Variants in EDC3 observed in about 807,000 individuals in gnomAD.
EDC3 encodes enhancer of mRNA-decapping protein 3.
EDC3 carries 20 observed loss-of-function variants against 41.8 expected under a neutral mutation model. The ratio of observed to expected loss-of-function variants is 0.48; its 90% CI spans 0.34 to 0.70. The LOEUF (loss-of-function observed/expected upper bound fraction) is 0.70, where lower values mean the gene tolerates loss of function less well. Ranked by LOEUF, EDC3 falls within the 30% of genes least tolerant of loss-of-function variation. EDC3 has a pLI of 0.01. For synonymous variants in EDC3, 206 were observed against 243.2 expected (o/e 0.85, Z 1.42); for missense variants, 444 against 636.8 (o/e 0.70, Z 3.26).
chr15:74,677,569 C>T lies in EDC3; in HGVS notation c.-18-2427G>A, dbSNP rs565308449. ...TTTTTTTCTCAGTAGAGGGGTTTCACCATGTTGCCCAGGCTGGTCTCGAAC... is the reference window on the plus strand; with the variant it reads ...TTTTTTTCTCAGTAGAGGGGTTTCATCATGTTGCCCAGGCTGGTCTCGAAC... On this transcript the variant is annotated intron_variant, in intron 1 of 6. Transcript: ENST00000315127. Among the ~76,000 whole-genome samples the T allele has an allele frequency of 2.5e-4, 38 of 152,138 alleles. 1 individual carries two copies. Among genetic ancestry groups the T allele is most frequent in the African/African-American group, 8.9e-4 (37 of 41,506 alleles).
At chr15:74,677,359 CTTTTT>C (rs747397931) in intron 1 of EDC3, among the ~76,000 whole-genome samples, 1 of 111,322 alleles carries the variant, frequency 9.0e-6, no homozygotes, top group Non-Finnish European at 1.9e-5. Flanking sequence ...CATGCCCAGC[CTTTTT>C]TTTTTTTTTT....
At chr15:74,641,547 T>A (rs1339274865) in intron 4 of EDC3, 1 of 152,928 alleles carries the variant, frequency 6.5e-6, no homozygotes, top group African/African-American at 2.4e-5. Context: ...TATTGCTCCC[T>A]CCAAGAAGCC....
At chr15:74,685,977 G>A (rs1466355987) in intron 1 of EDC3, among the ~76,000 whole-genome samples, 2 of 152,024 alleles carry the variant, frequency 1.3e-5, no homozygotes, top group African/African-American at 4.8e-5. Flanking sequence ...TGGATCACAT[G>A]AGGTCAGGAG....
chr15:74,663,982 TGAA>T (rs931227232), intron 3 of EDC3, among the ~76,000 whole-genome samples: 1 of 152,198 alleles, frequency 6.6e-6, no homozygotes, highest in Non-Finnish European at 1.5e-5. Context: ...AGATGTTGTA[TGAA>T]GAAGGTTTCA....
chr15:74,659,413 T>C (rs1359809591), intron 3 of EDC3, among the ~76,000 whole-genome samples: 2 of 151,286 alleles, frequency 1.3e-5, no homozygotes, highest in Non-Finnish European at 2.9e-5. Context: ...TGAGCCAAGA[T>C]TGTGCCATTC....
intron 1 of EDC3, among the ~76,000 whole-genome samples, chr15:74,691,818 G>T (rs1412054402): frequency 1.3e-5 from 2 of 151,796 alleles, no homozygotes; most frequent in South Asian, 2.1e-4. Flanking sequence ...CTATTTTCTG[G>T]GTTTTTTTGG....
intron 1 of EDC3, chr15:74,695,650 C>T (rs1385193790): frequency 6.6e-6 from 1 of 152,490 alleles, no homozygotes; most frequent in Non-Finnish European, 1.5e-5. Flanking sequence ...ACTCCCCACA[C>T]AATCCCCATA....
At chr15:74,680,319 A>G (rs1321063834) in intron 1 of EDC3, among the ~76,000 whole-genome samples, 2 of 151,866 alleles carry the variant, frequency 1.3e-5, no homozygotes, top group Middle Eastern at 3.2e-3. Context: ...AGTTTATTCC[A>G]AGGATGCAAT....
intron 3 of EDC3, among the ~76,000 whole-genome samples, chr15:74,660,414 A>AATAT (rs10582490): frequency 1.4e-5 from 2 of 144,910 alleles, no homozygotes; most frequent in East Asian, 2.0e-4. Context: ...CGTCTCCAAA[A>AATAT]ATATATATAT....
chr15:74,681,511 C>CTGT (rs1321844639), intron 1 of EDC3, among the ~76,000 whole-genome samples: 3 of 152,064 alleles, frequency 2.0e-5, no homozygotes, highest in Non-Finnish European at 2.9e-5. Context: ...AAGACTTACA[C>CTGT]AATTATGATA....
chr15:74,673,379 T>C (rs1483365242), intron 2 of EDC3, among the ~76,000 whole-genome samples: 1 of 152,114 alleles, frequency 6.6e-6, no homozygotes, highest in Admixed American at 6.5e-5. Context: ...AGGGGAAAGG[T>C]GTTATTAGTC....
At chr15:74,638,030 A>G (rs1377356832) in intron 5 of EDC3, 1 of 152,174 alleles carries the variant, frequency 6.6e-6, no homozygotes, top group Non-Finnish European at 1.5e-5. Context: ...TCCAACAGGC[A>G]CTTGTCAACT....
At chr15:74,682,686 T>C (rs1386517336) in intron 1 of EDC3, among the ~76,000 whole-genome samples, 2 of 150,780 alleles carry the variant, frequency 1.3e-5, no homozygotes, top group African/African-American at 4.9e-5. Context: ...GTTGCACTTC[T>C]GGTCATTTAT....
intron 3 of EDC3, among the ~76,000 whole-genome samples, chr15:74,663,282 C>A (rs558061339): frequency 1.3e-5 from 2 of 151,192 alleles, no homozygotes; most frequent in Non-Finnish European, 2.9e-5. Context: ...AGCAAGACTC[C>A]GTCTCAAAAA....
intron 5 of EDC3, chr15:74,638,023 A>G (rs1251892792): frequency 6.6e-6 from 1 of 152,268 alleles, no homozygotes; most frequent in East Asian, 1.9e-4. Context: ...CGAAAAATCC[A>G]ACAGGCACTT....
chr15:74,640,285 G>T lies in EDC3; in HGVS notation c.974+181C>A, dbSNP rs1376797803. The T allele has an allele frequency of 1.1e-5, 7 of 643,580 alleles. No individual in the cohort carries two copies. In the African/African-American group the frequency reaches 1.1e-4, roughly 10 times the overall value. 39.9% of individuals were successfully genotyped at this position (643,580 alleles called of 1,614,324 possible). ...GAATAATGAGGACATCTAGGAGATG[G>T]GTCTGAGGAGGGGCAAAGAAACCTC... is the stretch of plus-strand genomic sequence containing the variant. On this transcript the variant is annotated intron_variant, in intron 5 of 6. Transcript: ENST00000315127.
intron 5 of EDC3, chr15:74,636,873 G>T (rs575056376): frequency 2.0e-5 from 3 of 152,254 alleles, no homozygotes; most frequent in African/African-American, 7.2e-5. Context: ...CTCTAAAAGG[G>T]TTCTTCCTCT....
chr15:74,691,951 G>C (rs1218657889), intron 1 of EDC3, among the ~76,000 whole-genome samples: 1 of 151,896 alleles, frequency 6.6e-6, no homozygotes, highest in Non-Finnish European at 1.5e-5. Flanking sequence ...CAAGTAGCTG[G>C]GACTACAGGC....
At chr15:74,676,099 T>C (rs1285753643) in intron 1 of EDC3, among the ~76,000 whole-genome samples, 1 of 152,156 alleles carries the variant, frequency 6.6e-6, no homozygotes, top group Non-Finnish European at 1.5e-5. Flanking sequence ...TAAAAATAGA[T>C]ATTTAGAATA....
Sources: allele counts gnomAD v4.1 joint callset (sites outside exome capture counted in the v4.1 genomes callset), GRCh38; gene constraint gnomAD v4.1.1; transcripts MANE v1.5; gene names NCBI Gene and HGNC (gene_info 2026-07-23, HGNC 2026-07-21).